Variants in APBB2 observed in about 807,000 individuals in gnomAD.
APBB2 encodes the protein amyloid beta precursor protein binding family B member 2.
A neutral mutation model predicts 82.5 loss-of-function variants in APBB2; 38 were observed. The observed-to-expected ratio is 0.46, with a 90% CI of 0.36 to 0.60. The LOEUF is 0.60. APBB2 is among the 20% of genes least tolerant of loss of function. The pLI is 0.00. For synonymous variants in APBB2, 341 were observed against 368.2 expected (o/e 0.93, Z 0.85); for missense variants, 772 against 972.3 (o/e 0.79, Z 2.74).
chr4:40,961,945 T>C (rs1793418296), intron 6 of APBB2, among the ~76,000 whole-genome samples: 1 of 152,158 alleles, frequency 6.6e-6, no homozygotes, highest in African/African-American at 2.4e-5. Flanking sequence ...ACAAGCAACA[T>C]CCAGTCATTA....
At chr4:40,839,509 T>C (rs1281067502) in intron 12 of APBB2, among the ~76,000 whole-genome samples, 1 of 152,078 alleles carries the variant, frequency 6.6e-6, no homozygotes, top group Non-Finnish European at 1.5e-5. Flanking sequence ...GTTGCTCAGG[T>C]CAAATACATG....
chr4:40,953,635 C>T (rs532028756), intron 6 of APBB2, among the ~76,000 whole-genome samples: 1 of 152,288 alleles, frequency 6.6e-6, no homozygotes, highest in South Asian at 2.1e-4. Flanking sequence ...TCCAGCTGGC[C>T]CATATATTTC....
chr4:40,903,359 C>T (rs935381674), intron 10 of APBB2, among the ~76,000 whole-genome samples: 14 of 151,902 alleles, frequency 9.2e-5, no homozygotes, highest in African/African-American at 3.1e-4. Flanking sequence ...CCCAGCTATT[C>T]GGGAGGCTAA....
At chr4:41,076,404 G>T (rs1266087524) in intron 3 of APBB2, among the ~76,000 whole-genome samples, 2 of 152,134 alleles carry the variant, frequency 1.3e-5, no homozygotes, top group Non-Finnish European at 2.9e-5. Flanking sequence ...AGCTTGAGAA[G>T]ATCTGCACTC....
intron 1 of APBB2, among the ~76,000 whole-genome samples, chr4:41,190,581 T>C (rs533380178): frequency 9.0e-4 from 137 of 152,230 alleles, no homozygotes; most frequent in African/African-American, 3.2e-3. Context: ...TCTGTGATTA[T>C]CTCCTCAGAA....
intron 1 of APBB2, among the ~76,000 whole-genome samples, chr4:41,178,304 C>A (rs1400684658): frequency 6.6e-6 from 1 of 152,126 alleles, no homozygotes; most frequent in East Asian, 1.9e-4. Flanking sequence ...ATTAAACTTC[C>A]TAAAGCAATG....
intron 5 of APBB2, among the ~76,000 whole-genome samples, chr4:41,018,471 C>T (rs779537479): frequency 3.9e-5 from 6 of 152,008 alleles, no homozygotes; most frequent in East Asian, 1.9e-4. Flanking sequence ...AAAGGAGAGG[C>T]GGTATGATGG....
intron 6 of APBB2, among the ~76,000 whole-genome samples, chr4:40,972,469 A>G (rs1306249017): frequency 6.6e-6 from 1 of 151,880 alleles, no homozygotes; most frequent in Non-Finnish European, 1.5e-5. Flanking sequence ...ATAAAATAGC[A>G]AAATCCCTAA....
rs145643366 is a variant in APBB2, at chr4:41,164,676, T to C, written c.-416-21534A>G. 1.3e-4 allele frequency among the ~76,000 whole-genome samples: 20 copies of C among 152,360 alleles called. No individual in the cohort carries two copies. In the East Asian group the frequency reaches 2.7e-3, roughly 21 times the overall value. On this transcript the variant is annotated intron_variant, in intron 1 of 17. Transcript: ENST00000508593. The stretch of plus-strand genomic sequence containing the variant: ...TGAAGTAATATCACTTCTCGTTAAA[T>C]GTTAACCTTTAAATAACTAAAACAG...
chr4:41,176,967 C>T (rs1005773139), intron 1 of APBB2, among the ~76,000 whole-genome samples: 2 of 145,144 alleles, frequency 1.4e-5, no homozygotes, highest in South Asian at 4.4e-4. Flanking sequence ...TACACAAATG[C>T]AATTGAATGA....
Position 40,813,825 on chromosome 4 carries a change from A to C in APBB2, c.*2267T>G, listed in dbSNP as rs1379187219. The C allele has an allele frequency of 6.6e-6, 1 of 152,198 alleles. No individual in the cohort carries two copies. Among genetic ancestry groups the C allele is most frequent in the Non-Finnish European group, 1.5e-5 (1 of 68,042 alleles). 9.4% of individuals were successfully genotyped at this position (152,198 alleles called of 1,614,324 possible). On this transcript the variant is annotated 3_prime_UTR_variant, in exon 18 of 18. Transcript: ENST00000508593. Reference sequence around the variant, plus strand: ...CACACTAAAATGTTTCACTACAGCGACCGAGATGAAAGATCACTGTAAATG... The same window carrying C: ...CACACTAAAATGTTTCACTACAGCGCCCGAGATGAAAGATCACTGTAAATG...
Position 40,934,686 on chromosome 4 carries a change from G to T in APBB2, c.1121C>A (p.Ala374Asp). The T allele has an allele frequency of 6.2e-7, 1 of 1,613,074 alleles. No homozygotes were observed. Among genetic ancestry groups the T allele is most frequent in the East Asian group, 2.2e-5 (1 of 44,884 alleles). Residue 374 changes from alanine to aspartate, a missense_variant, in exon 9 of 18, where the codon GCC becomes GAC. By Grantham distance (126) the Ala-to-Asp change is moderately radical. Coordinates refer to ENST00000508593, the MANE Select transcript of APBB2 (RefSeq NM_004307.2). Reference protein sequence around the residue: ...NSDIWKDLHAATVNPDPSLKE... With the variant: ...NSDIWKDLHADTVNPDPSLKE... Reference sequence around the variant, plus strand: ...TAAACTGGGGTCCGGGTTAACAGTGGCTGCATGCAAATCCTAGAGGAAAAT... The same window carrying T: ...TAAACTGGGGTCCGGGTTAACAGTGTCTGCATGCAAATCCTAGAGGAAAAT...
intron 3 of APBB2, among the ~76,000 whole-genome samples, chr4:41,079,912 T>C (rs533012287): frequency 5.3e-5 from 8 of 152,278 alleles, no homozygotes; most frequent in South Asian, 4.2e-4. Flanking sequence ...AAACCACTAA[T>C]TGACCTCACA....
chr4:40,902,314 T>C (rs1204664082), intron 10 of APBB2, among the ~76,000 whole-genome samples: 2 of 152,212 alleles, frequency 1.3e-5, no homozygotes, highest in East Asian at 3.9e-4. Context: ...GCGAAAGCTT[T>C]CTAGTTAGCA....
intron 12 of APBB2, among the ~76,000 whole-genome samples, chr4:40,867,897 T>A (rs1213960518): frequency 6.6e-6 from 1 of 151,604 alleles, no homozygotes; most frequent in African/African-American, 2.4e-5. Flanking sequence ...ACAAAATTTA[T>A]CTTCCTTTTG....
intron 2 of APBB2, among the ~76,000 whole-genome samples, chr4:41,128,613 T>C (rs1755088923): frequency 6.6e-6 from 1 of 152,356 alleles, no homozygotes; most frequent in Non-Finnish European, 1.5e-5. Context: ...ACGTTATTCA[T>C]TAATTCCACA....
At chr4:41,185,566 T>C (rs1286789080) in intron 1 of APBB2, among the ~76,000 whole-genome samples, 1 of 152,250 alleles carries the variant, frequency 6.6e-6, no homozygotes, top group African/African-American at 2.4e-5. Flanking sequence ...TAGTTTATTA[T>C]AGCTTTTCTT....
At chr4:40,822,379 C>A in intron 16 of APBB2, 1 of 208,634 alleles carries the variant, frequency 4.8e-6, no homozygotes, top group East Asian at 1.1e-4. Context: ...AAATACAGGA[C>A]ACCTGGTGGC....
intron 5 of APBB2, among the ~76,000 whole-genome samples, chr4:41,026,514 A>G (rs1714304935): frequency 6.6e-6 from 1 of 152,060 alleles, no homozygotes; most frequent in African/African-American, 2.4e-5. Context: ...CCTCCCTCCA[A>G]CCCCTGCAAA....
Sources: allele counts gnomAD v4.1 joint callset (sites outside exome capture counted in the v4.1 genomes callset), GRCh38; gene constraint gnomAD v4.1.1; transcripts MANE v1.5; gene names NCBI Gene and HGNC (gene_info 2026-07-23, HGNC 2026-07-21).